POGZ: variants seen among roughly 807,000 people sequenced by gnomAD.
The protein encoded by POGZ is pogo transposable element derived with ZNF domain.
A neutral mutation model predicts 134.6 loss-of-function variants in POGZ; 17 were observed. The ratio of observed to expected loss-of-function variants is 0.13; its 90% CI spans 0.09 to 0.19. POGZ has a LOEUF of 0.19. Among genes scored for constraint, POGZ ranks in the 10% least tolerant of loss-of-function variants. The pLI, the probability that POGZ is intolerant of heterozygous loss-of-function variation, is 1.00. For missense variants in POGZ, 1,306 were observed against 1,769.7 expected, an observed-to-expected ratio of 0.74 and a Z score of 4.70; for synonymous variants, 693 against 657.1, an observed-to-expected ratio of 1.05 and a Z score of -0.84.
Position 151,405,549 on chromosome 1 carries a change from G to A in POGZ, c.3486C>T (p.Ala1162=). ...GAAGGACAGTGCCATCTGCCAGAAT[G>A]GCTAGGACTACATCACACCAAGGTT... ...TGEPWCDVVL[A]ILADGTVLPT... is the part of the protein sequence containing the mutation. Residue 1162 remains alanine, a synonymous_variant, in exon 19 of 19, where the codon GCC becomes GCT. Coordinates refer to ENST00000271715, the MANE Select transcript of POGZ (RefSeq NM_015100.4). The surrounding 1 kb of genome is among the most constrained non-coding windows in gnomAD (Gnocchi z 4.9). The A allele has an allele frequency of 6.2e-7, 1 of 1,614,236 alleles. No homozygotes were observed. The highest frequency in any genetic ancestry group is 8.5e-7 in the Non-Finnish European group (1 of 1,180,044).
intron 10 of POGZ, among the ~76,000 whole-genome samples, chr1:151,421,818 T>C (rs1425021662): frequency 2.0e-5 from 3 of 152,216 alleles, no homozygotes; most frequent in Admixed American, 2.0e-4. Context: ...AGTGGTGCGA[T>C]CTCAGCTCAC....
At chr1:151,458,722 C>T (rs1356431342) in intron 1 of POGZ, among the ~76,000 whole-genome samples, 1 of 145,678 alleles carries the variant, frequency 6.9e-6, no homozygotes, top group African/African-American at 2.5e-5. Flanking sequence ...GGGCCACCGC[C>T]CGCGCCCGCG....
At chr1:151,417,298 G>A (rs1158036033) in intron 10 of POGZ, among the ~76,000 whole-genome samples, 3 of 151,286 alleles carry the variant, frequency 2.0e-5, no homozygotes, top group South Asian at 2.1e-4. Context: ...TCCTGACCTC[G>A]TGATCCACCC....
At chr1:151,407,937 A>C (rs774811083) in intron 15 of POGZ, among the ~76,000 whole-genome samples, 163 bp downstream of exon 15, 1 of 150,886 alleles carries the variant, frequency 6.6e-6, no homozygotes, top group Non-Finnish European at 1.5e-5. Context: ...ACTTGAACCC[A>C]GGAGGCAGAG....
rs1455761255 is a variant in POGZ, at chr1:151,408,091, C to A, written c.2375+9G>T. ...CTCAAGCTAAAACACTGGTTAAAAACCAACTTACTTGATCATGTGGTTGGC... is the reference window on the plus strand; with the variant it reads ...CTCAAGCTAAAACACTGGTTAAAAAACAACTTACTTGATCATGTGGTTGGC... On this transcript the variant is annotated intron_variant, in intron 15 of 18. Coordinates refer to ENST00000271715, the MANE Select transcript of POGZ (RefSeq NM_015100.4). The A allele has an allele frequency of 1.9e-6, 3 of 1,590,610 alleles. No individual in the cohort carries two copies. The highest frequency in any genetic ancestry group is 2.8e-5 in the African/African-American group (2 of 72,700).
At chr1:151,437,199 C>CGT (rs1363129285) in intron 3 of POGZ, among the ~76,000 whole-genome samples, 4 of 145,510 alleles carry the variant, frequency 2.7e-5, no homozygotes, top group Admixed American at 2.1e-4. Context: ...GTGCAGACTC[C>CGT]GTCTCAAAAA....
intron 10 of POGZ, among the ~76,000 whole-genome samples, chr1:151,422,887 C>T (rs965794347): frequency 2.3e-4 from 35 of 152,126 alleles, no homozygotes; most frequent in African/African-American, 5.6e-4. Context: ...CCACCGTGCC[C>T]GGCCATATTA....
In POGZ at chr1:151,406,481, C is replaced by G. The variant is rs1412905145; in HGVS notation, c.2571-17G>C. The G allele has an allele frequency of 6.4e-7, 1 of 1,550,470 alleles. No homozygotes were observed. The highest frequency in any genetic ancestry group is 8.7e-7 in the Non-Finnish European group (1 of 1,154,126). ...TGGCCATGCCTAAAGGGGTGAGGAG[C>G]AAAGAGAAGAGGAGAAATCTCAGTT... On this transcript the variant is annotated splice_polypyrimidine_tract_variant and intron_variant, in intron 18 of 18. Transcript: ENST00000271715.
In POGZ at chr1:151,419,668, CAAAAAAAAAA is replaced by C. The variant is rs59593149; in HGVS notation, c.1678+3719_1678+3728del. 2.0e-3 allele frequency among the ~76,000 whole-genome samples: 88 copies of C among 43,654 alleles called. 4 individuals carry two copies. Among genetic ancestry groups the C allele is most frequent in the Middle Eastern group, 0.062 (1 of 16 alleles). 28.6% of individuals were successfully genotyped at this position (43,654 alleles called of 152,430 possible). A position where few individuals can be genotyped will look rare whatever the true frequency, so the allele number is the denominator to read the frequency against. ...TGGCTAACAGAGTGAGACCCTGTCT[CAAAAAAAAAA>C]AAAAAAAAAAAAAAAAACTACTTTC... is the stretch of plus-strand genomic sequence containing the variant. On this transcript the variant is annotated intron_variant, in intron 10 of 18. Transcript: ENST00000271715.
At chr1:151,449,201 T>G (rs1661688791) in intron 1 of POGZ, among the ~76,000 whole-genome samples, 1 of 152,216 alleles carries the variant, frequency 6.6e-6, no homozygotes, top group African/African-American at 2.4e-5. Context: ...GCAGAAGGGA[T>G]TCATTCAACA....
rs1653232960 is a variant in POGZ, at chr1:151,404,571, A to C, written c.*231T>G. ...GTCACAAAAACCTGTTTTTAGCAGAAGTGAATGACCAATGGGCCAGCTCCT... is the reference window on the plus strand; with the variant it reads ...GTCACAAAAACCTGTTTTTAGCAGACGTGAATGACCAATGGGCCAGCTCCT... On this transcript the variant is annotated 3_prime_UTR_variant, in exon 19 of 19. Coordinates refer to ENST00000271715, the MANE Select transcript of POGZ (RefSeq NM_015100.4). The C allele has an allele frequency of 8.2e-7, 1 of 1,212,612 alleles. No individual in the cohort carries two copies. The highest frequency in any genetic ancestry group is 1.0e-6 in the Non-Finnish European group (1 of 974,680). 75.1% of individuals were successfully genotyped at this position (1,212,612 alleles called of 1,614,324 possible). A position where few individuals can be genotyped will look rare whatever the true frequency, so the allele number is the denominator to read the frequency against.
Position 151,406,435 on chromosome 1 carries a change from T to C in POGZ, c.2600A>G (p.Asp867Gly). 1 of 1,551,884 alleles carries C rather than the reference T, an allele frequency of 6.4e-7. No homozygotes were observed. The highest frequency in any genetic ancestry group is 8.7e-7 in the Non-Finnish European group (1 of 1,151,618). The change falls in exon 19 of 19, where the codon GAC becomes GGC. Residue 867 changes from aspartate (D) to glycine (G), a missense_variant. Physicochemically the swap from Asp to Gly is moderately conservative, Grantham distance 94. Coordinates refer to ENST00000271715, the MANE Select transcript of POGZ (RefSeq NM_015100.4). ...RHGQTRDRVH[D>G]RNVKNMYPPP... ...AGGGTACATATTCTTCACGTTCCGG[T>C]CATGCACTCGGTCACGAGTCTGGCC...
rs1657411189 is a variant in POGZ, at chr1:151,424,252, T to G, written c.1220A>C (p.Lys407Thr). The G allele has an allele frequency of 6.2e-7, 1 of 1,606,160 alleles. No homozygotes were observed. The highest frequency in any genetic ancestry group is 1.7e-5 in the Admixed American group (1 of 58,796). The change falls in exon 9 of 19, where the codon AAA becomes ACA. Residue 407 changes from lysine (K) to threonine (T), a missense_variant. Transcript: ENST00000271715. ...GGGTTCTGAATCCAGGGACTTTCCT[T>G]TCTTCTGGTATTCAACCATTTCTGG... ...CCPEMVEYQK[K>T]GKSLDSEPSV...
At chr1:151,407,154 C>T in intron 16 of POGZ, 81 bp downstream of exon 16, 1 of 1,234,466 alleles carries the variant, frequency 8.1e-7, no homozygotes, top group Non-Finnish European at 1.2e-6. Flanking sequence ...TTCACATAAC[C>T]ACCTCTCCAA....
chr1:151,404,667 CA>C lies in POGZ; in HGVS notation c.*134del, dbSNP rs896044026. The C allele has an allele frequency of 3.6e-5, 51 of 1,412,050 alleles. No individual in the cohort carries two copies. In the African/African-American group the frequency reaches 5.9e-4, roughly 16 times the overall value. The allele number at this position is 1,412,050 out of a possible 1,614,324, so 87.5% of individuals were successfully genotyped here. On this transcript the variant is annotated 3_prime_UTR_variant, in exon 19 of 19. Coordinates refer to ENST00000271715, the MANE Select transcript of POGZ (RefSeq NM_015100.4). ...TCCACAGGGAAGTGTAAGTCAACTTCAGGGGGGAGTGGTGGTATAAAATTAA... is the reference window on the plus strand; with the variant it reads ...TCCACAGGGAAGTGTAAGTCAACTTCGGGGGGAGTGGTGGTATAAAATTAA...
chr1:151,411,278 T>C (rs1654620030), intron 12 of POGZ, among the ~76,000 whole-genome samples: 1 of 152,248 alleles, frequency 6.6e-6, no homozygotes, highest in African/African-American at 2.4e-5. Flanking sequence ...ACACTGTTCT[T>C]CGTCTTATTT....
chr1:151,448,007 G>C (rs953815103), intron 1 of POGZ, among the ~76,000 whole-genome samples: 2 of 152,112 alleles, frequency 1.3e-5, no homozygotes, highest in African/African-American at 4.8e-5. Context: ...GATACTGGTG[G>C]GGAATGAGTT....
rs1164795478 is a variant in POGZ, at chr1:151,404,478, T to C, written c.*324A>G. On this transcript the variant is annotated 3_prime_UTR_variant, in exon 19 of 19. Transcript: ENST00000271715. Reference sequence around the variant, plus strand: ...ATTTAACATTTGCCCACAAATAATTTTTTTTCTTTTTCTTAATTTTGTCAG... The same window carrying C: ...ATTTAACATTTGCCCACAAATAATTCTTTTTCTTTTTCTTAATTTTGTCAG... 9.7e-7 allele frequency: 1 copy of C among 1,029,160 alleles called. No individual in the cohort carries two copies. Among genetic ancestry groups the C allele is most frequent in the Admixed American group, 5.1e-5 (1 of 19,612 alleles). The allele number at this position is 1,029,160 out of a possible 1,614,324, so 63.8% of individuals were successfully genotyped here. A position where few individuals can be genotyped will look rare whatever the true frequency, so the allele number is the denominator to read the frequency against.
At chr1:151,457,616 T>C (rs1194612057) in intron 1 of POGZ, among the ~76,000 whole-genome samples, 1 of 152,158 alleles carries the variant, frequency 6.6e-6, no homozygotes, top group East Asian at 1.9e-4. Flanking sequence ...TTTCCTCTAG[T>C]TGGGTAAATG....
Sources: allele counts gnomAD v4.1 joint callset (sites outside exome capture counted in the v4.1 genomes callset), GRCh38; gene constraint gnomAD v4.1.1; non-coding constraint Gnocchi (gnomAD v3.1); transcripts MANE v1.5; gene names NCBI Gene and HGNC (gene_info 2026-07-23, HGNC 2026-07-21).